KSR2: variants seen among roughly 807,000 people sequenced by gnomAD.
The protein encoded by KSR2 is kinase suppressor of ras 2.
In KSR2, 25 loss-of-function variants were observed where a neutral mutation model predicts 107.8. The ratio of observed to expected loss-of-function variants is 0.23; its 90% CI spans 0.17 to 0.32. KSR2 has a LOEUF of 0.32. Ranked by LOEUF, KSR2 falls within the 10% of genes least tolerant of loss-of-function variation. The pLI is 1.00. For synonymous variants in KSR2, 480 were observed against 507.0 expected, an observed-to-expected ratio of 0.95 and a Z score of 0.71; for missense variants, 887 against 1,268.9, an observed-to-expected ratio of 0.70 and a Z score of 4.57.
chr12:117,707,811 G>A (rs1218511058), intron 4 of KSR2, among the ~76,000 whole-genome samples: 1 of 152,162 alleles, frequency 6.6e-6, no homozygotes, highest in Non-Finnish European at 1.5e-5. Flanking sequence ...ACCAAGGTGT[G>A]GCTGTCTGGG....
chr12:117,742,532 GTGGA>G (rs59750473), intron 4 of KSR2, among the ~76,000 whole-genome samples: 5 of 149,462 alleles, frequency 3.3e-5, no homozygotes, highest in East Asian at 2.0e-4. Flanking sequence ...GGATGGATGG[GTGGA>G]TGGATGGATG....
intron 1 of KSR2, among the ~76,000 whole-genome samples, chr12:117,863,346 C>T (rs1893372330): frequency 6.6e-6 from 1 of 152,192 alleles, no homozygotes; most frequent in South Asian, 2.1e-4. Flanking sequence ...CTGCTGCCAT[C>T]TGGAAGCCTC....
intron 4 of KSR2, among the ~76,000 whole-genome samples, chr12:117,670,814 G>A (rs1023262786): frequency 4.6e-5 from 7 of 152,256 alleles, no homozygotes; most frequent in African/African-American, 1.7e-4. Flanking sequence ...TGGCCCCCAC[G>A]GAACGGCAAA....
intron 1 of KSR2, among the ~76,000 whole-genome samples, chr12:117,964,415 C>T (rs575226135): frequency 1.3e-5 from 2 of 152,358 alleles, no homozygotes; most frequent in East Asian, 1.9e-4. Flanking sequence ...CCACAGAACA[C>T]TTATTGACTA....
intron 1 of KSR2, among the ~76,000 whole-genome samples, chr12:117,923,828 G>C (rs1895418237): frequency 6.6e-6 from 1 of 151,476 alleles, no homozygotes; most frequent in South Asian, 2.1e-4. Context: ...TTCAGTATTT[G>C]TAGTATTCTA....
At chr12:117,741,905 T>C (rs609004) in intron 4 of KSR2, among the ~76,000 whole-genome samples, 137,239 of 152,232 alleles carry the variant, frequency 0.9, 62,186 homozygotes, top group East Asian at 1. Context: ...AGAATATTTA[T>C]GTAGTTTAAA....
At chr12:117,568,244 T>C (rs968218995) in intron 7 of KSR2, among the ~76,000 whole-genome samples, 1 of 152,198 alleles carries the variant, frequency 6.6e-6, no homozygotes, top group Non-Finnish European at 1.5e-5. Flanking sequence ...TTCTTGGCTC[T>C]CTGAACCCAG....
chr12:117,593,173 C>A (rs1880426425), intron 5 of KSR2, among the ~76,000 whole-genome samples: 2 of 152,102 alleles, frequency 1.3e-5, no homozygotes, highest in Admixed American at 1.3e-4. Flanking sequence ...GTCTCCTTGA[C>A]CCAAAGGAAA....
chr12:117,509,707 C>T (rs961724118), intron 14 of KSR2, among the ~76,000 whole-genome samples: 2 of 152,162 alleles, frequency 1.3e-5, no homozygotes, highest in African/African-American at 4.8e-5. Context: ...AAGGGCTGTG[C>T]TAATAACAGC....
At chr12:117,898,596 G>A (rs978128052) in intron 1 of KSR2, among the ~76,000 whole-genome samples, 1 of 151,938 alleles carries the variant, frequency 6.6e-6, no homozygotes, top group African/African-American at 2.4e-5. Context: ...CTGGGATTAC[G>A]GGTGTGAGCC....
In KSR2 at chr12:117,536,679, T is replaced by TCATG. The variant is rs1555213673; in HGVS notation, c.1687+3039_1687+3040insCATG. Reference sequence around the variant, plus strand: ...TACTTAAGAAACATTATGGATATCTTTCCATGTCAGGAAATCTATATAGAG... The same window carrying TCATG: ...TACTTAAGAAACATTATGGATATCTTCATGTCCATGTCAGGAAATCTATATAGAG... On this transcript the variant is annotated intron_variant, in intron 10 of 19. Transcript: ENST00000339824. Among the ~76,000 whole-genome samples, 25 of 152,320 alleles carry TCATG rather than the reference T, an allele frequency of 1.6e-4. No homozygotes were observed. The East Asian group carries it at 2.1e-3, about 13-fold the overall frequency.
In KSR2 at chr12:117,761,200, T is replaced by C. The variant is rs1346439561; in HGVS notation, c.797A>G (p.Asn266Ser). Reference sequence around the variant, plus strand: ...CGGCGGGGTCACGGTGGTGACGATGTTGGGGGTGCGCGGCGGGGTGCGGAC... The same window carrying C: ...CGGCGGGGTCACGGTGGTGACGATGCTGGGGGTGCGCGGCGGGGTGCGGAC... ...HAVRTPPRTP[N>S]IVTTVTPPGT... Residue 266 changes from asparagine to serine, a missense_variant, in exon 4 of 20, where the codon AAC (asparagine) becomes AGC (serine). Asn to Ser is a conservative substitution (Grantham distance 46). This residue lies in a region of KSR2 where 399 missense variants were observed against 479.5 expected (regional missense o/e 0.83). Transcript: ENST00000339824. 3.8e-6 allele frequency: 6 copies of C among 1,582,544 alleles called. No homozygotes were observed. The South Asian group carries it at 5.8e-5, about 15-fold the overall frequency.
intron 3 of KSR2, among the ~76,000 whole-genome samples, chr12:117,844,969 AC>A (rs1357233603): frequency 6.6e-6 from 1 of 152,052 alleles, no homozygotes; most frequent in Non-Finnish European, 1.5e-5. Flanking sequence ...ACACGGTGAA[AC>A]CCCGTCTCTA....
chr12:117,484,569 G>C lies in KSR2; in HGVS notation c.2317-20C>G, dbSNP rs375191742. ...CATGCCCTGCAAGAAGCAAGGAACA[G>C]AGAGTTGCCAGAGAAAAACCTAAGA... On this transcript the variant is annotated intron_variant, in intron 15 of 19. Transcript: ENST00000339824. 4 of 1,612,562 alleles carry C rather than the reference G, an allele frequency of 2.5e-6. No individual in the cohort carries two copies. The highest frequency in any genetic ancestry group is 3.4e-6 in the Non-Finnish European group (4 of 1,179,070).
At chr12:117,533,314 C>T (rs1875794713) in intron 10 of KSR2, among the ~76,000 whole-genome samples, 2 of 152,302 alleles carry the variant, frequency 1.3e-5, no homozygotes, top group Non-Finnish European at 2.9e-5. Flanking sequence ...GGGAGTAAGT[C>T]CTACTATCTC....
At chr12:117,499,423 A>C (rs1873240614) in intron 14 of KSR2, among the ~76,000 whole-genome samples, 1 of 152,244 alleles carries the variant, frequency 6.6e-6, no homozygotes, top group Admixed American at 6.5e-5. Flanking sequence ...GAAATGAGAA[A>C]AGCACCTCTG....
intron 1 of KSR2, among the ~76,000 whole-genome samples, chr12:117,947,196 A>AAAG (rs1362672123): frequency 0.099 from 8,584 of 86,546 alleles, 498 homozygotes; most frequent in East Asian, 0.13. Context: ...GAAAAGAAAG[A>AAAG]AAAGAAAGAA....
At chr12:117,508,967 C>T (rs898993263) in intron 14 of KSR2, among the ~76,000 whole-genome samples, 7 of 149,140 alleles carry the variant, frequency 4.7e-5, no homozygotes, top group African/African-American at 9.9e-5. Context: ...GGTAGGTGGG[C>T]TTATATTGAA....
intron 8 of KSR2, among the ~76,000 whole-genome samples, chr12:117,558,184 G>A (rs1024353278): frequency 6.6e-6 from 1 of 152,200 alleles, no homozygotes; most frequent in Non-Finnish European, 1.5e-5. Context: ...TTGGTGGGAA[G>A]AAAAGCAATG....
Sources: gnomAD v4.1 joint callset for allele counts (sites outside exome capture counted in the v4.1 genomes callset) on GRCh38, gnomAD v4.1.1 for gene constraint, gnomAD v4.1.1 regional missense constraint, MANE v1.5 for transcripts, NCBI Gene and HGNC (gene_info 2026-07-23, HGNC 2026-07-21) for gene names.